Variants in GNL3L observed in about 807,000 individuals in gnomAD.
GNL3L encodes guanine nucleotide-binding protein-like 3-like protein.
In GNL3L, 4 loss-of-function variants were observed where a neutral mutation model predicts 42.9. The observed-to-expected ratio is 0.09, with a 90% CI of 0.05 to 0.21. The LOEUF (loss-of-function observed/expected upper bound fraction) is 0.21. GNL3L is among the 10% of genes least tolerant of loss of function. The pLI, the probability that GNL3L is intolerant of heterozygous loss-of-function variation, is 1.00. For synonymous variants in GNL3L, 159 were observed against 176.3 expected, an observed-to-expected ratio of 0.90 and a Z score of 0.78; for missense variants, 412 against 481.7, an observed-to-expected ratio of 0.86 and a Z score of 1.36.
chrX:54,624,671 C>T (rs1461410941), downstream of GNL3L, among the ~76,000 whole-genome samples: 1 of 108,884 alleles, frequency 9.2e-6, no homozygotes, highest in Non-Finnish European at 1.9e-5. Context: ...AAACTCCTGA[C>T]CTCAGGTGAT....
intron 9 of GNL3L, among the ~76,000 whole-genome samples, chrX:54,549,333 C>T (rs1440339989): frequency 9.0e-6 from 1 of 111,311 alleles, no homozygotes; most frequent in Non-Finnish European, 1.9e-5. Flanking sequence ...GAACCACAGT[C>T]AAAATGCATG....
chrX:54,587,246 G>A (rs770749054), intron 16 of GNL3L, among the ~76,000 whole-genome samples: 11 of 112,256 alleles, frequency 9.8e-5, no homozygotes, highest in African/African-American at 3.6e-4. Context: ...GAAACGTTCT[G>A]TAAATGTTTG....
chrX:54,563,975 A>G lies in GNL3L; in HGVS notation c.*3373A>G, dbSNP rs1355717960. ...GTTTTAGTTATGTGAGTTTGTACAA[A>G]CATATACAGGAGTGAACCACTACCA... On this transcript the variant is annotated 3_prime_UTR_variant, in exon 16 of 16. Transcript: ENST00000360845. 1.8e-5 allele frequency among the ~76,000 whole-genome samples: 2 copies of G among 111,240 alleles called. No homozygotes were observed. The highest frequency in any genetic ancestry group is 6.5e-5 in the African/African-American group (2 of 30,560).
In GNL3L at chrX:54,548,419, C is replaced by T. The variant is rs144064493; in HGVS notation, c.775+46C>T. ...ATGGGGCTCAGGCTTCTTTCTTGAG[C>T]GGACACTTCGCTGGGGGAAAGGATC... is the stretch of plus-strand genomic sequence containing the variant. On this transcript the variant is annotated intron_variant, in intron 9 of 15. Coordinates refer to ENST00000360845, the MANE Select transcript of GNL3L (RefSeq NM_001184819.2). 3.5e-3 allele frequency: 3,691 copies of T among 1,051,645 alleles called. 21 individuals are homozygous for T. Among genetic ancestry groups the T allele is most frequent in the Middle Eastern group, 0.028 (112 of 3,955 alleles). 86.7% of individuals were successfully genotyped at this position (1,051,645 alleles called of 1,213,427 possible).
At chrX:54,591,517 C>T (rs190303275) in intron 16 of GNL3L, among the ~76,000 whole-genome samples, 4 of 106,995 alleles carry the variant, frequency 3.7e-5, no homozygotes, top group East Asian at 3.0e-4. Flanking sequence ...CGCTTGGACC[C>T]GGGAGGTGGA....
At chrX:54,636,584 A>G in the GNL3L span, among the ~76,000 whole-genome samples, 2 of 109,404 alleles carry the variant, frequency 1.8e-5, no homozygotes, top group African/African-American at 6.7e-5. Context: ...GTCCATGTGT[A>G]CTCAATGTTT....
At chrX:54,632,442 T>A in the GNL3L span, among the ~76,000 whole-genome samples, 1 of 111,394 alleles carries the variant, frequency 9.0e-6, no homozygotes, top group Non-Finnish European at 1.9e-5. Flanking sequence ...AATTTCAAAC[T>A]TTTTGGAGGC....
intron 16 of GNL3L, among the ~76,000 whole-genome samples, chrX:54,619,217 A>G (rs1926257917): frequency 9.0e-6 from 1 of 111,379 alleles, no homozygotes; most frequent in Non-Finnish European, 1.9e-5. Flanking sequence ...AGGAATTGGA[A>G]ATAATCGAAA....
In GNL3L at chrX:54,543,684, T is replaced by C. The variant is rs775919045; in HGVS notation, c.526+342T>C. 1.6e-3 allele frequency among the ~76,000 whole-genome samples: 174 copies of C among 111,388 alleles called. 1 individual carries two copies. The highest frequency in any genetic ancestry group is 5.5e-3 in the African/African-American group (168 of 30,671). The stretch of plus-strand genomic sequence containing the variant: ...TGTCTAGGGTTCAGCCTCCCACCTG[T>C]CCTGATTCTTTTCTCTGAGACACTG... On this transcript the variant is annotated intron_variant, in intron 7 of 15. Transcript: ENST00000360845.
At chrX:54,539,485 G>T (rs1434141381) in intron 3 of GNL3L, among the ~76,000 whole-genome samples, 1 of 110,975 alleles carries the variant, frequency 9.0e-6, no homozygotes. Flanking sequence ...TCCTGGTCCT[G>T]CTGGGAAAGG....
chrX:54,594,337 C>T (rs1396000799), intron 16 of GNL3L, among the ~76,000 whole-genome samples: 14 of 111,398 alleles, frequency 1.3e-4, no homozygotes, highest in Admixed American at 8.6e-4. Context: ...GCTGAATTGA[C>T]ACCTTTATCA....
rs190762199 is a variant in GNL3L at position 54,615,437 on chromosome X, G to A, written c.*46-5408G>A. Among the ~76,000 whole-genome samples the A allele has an allele frequency of 8.0e-5, 9 of 111,911 alleles. 1 individual carries two copies. In the Admixed American group the frequency reaches 8.5e-4, roughly 11 times the overall value. On this transcript the variant is annotated intron_variant, in intron 16 of 16. Coordinates refer to the GNL3L transcript ENST00000674498. ...ATTTCTTTTGGGTAAATACCTAGGA[G>A]TGGAATTGCTGGGTCATATGGCAAC...
Position 54,590,904 on chromosome X carries a change from C to T in GNL3L, c.*46-29941C>T, listed in dbSNP as rs761053336. 5.4e-5 allele frequency among the ~76,000 whole-genome samples: 6 copies of T among 110,666 alleles called. No individual in the cohort carries two copies. The East Asian group carries it at 1.4e-3, about 26-fold the overall frequency. ...GGAGTGCAGTGGCACGATTTCGGCT[C>T]GCTGCAACCTCTGCCTTCTGGGTTC... On this transcript the variant is annotated intron_variant, in intron 16 of 16. Coordinates refer to the GNL3L transcript ENST00000674498.
the GNL3L span, among the ~76,000 whole-genome samples, chrX:54,634,413 T>C: frequency 8.9e-6 from 1 of 112,207 alleles, no homozygotes; most frequent in Non-Finnish European, 1.9e-5. Context: ...ATGATTGTCT[T>C]GCCTCAGCCT....
At chrX:54,559,478 C>A (rs954585516) in intron 15 of GNL3L, among the ~76,000 whole-genome samples, 3 of 111,757 alleles carry the variant, frequency 2.7e-5, no homozygotes, top group Non-Finnish European at 5.6e-5. Flanking sequence ...ATTCTTTGTT[C>A]TCTTTTTCCA....
intron 15 of GNL3L, among the ~76,000 whole-genome samples, chrX:54,559,532 T>C (rs186545691): frequency 3.6e-4 from 40 of 112,018 alleles, no homozygotes; most frequent in African/African-American, 1.3e-3. Flanking sequence ...CCCTATCATT[T>C]TTCCACTCAC....
rs186411053 is a variant in GNL3L at position 54,620,217 on chromosome X, T to C, written c.*46-628T>C. On this transcript the variant is annotated intron_variant, in intron 16 of 16. Transcript: ENST00000674498. ...TGGTGTGCTATCAAATTCTAGATCT[T>C]ATTCATTCTTTCTATTTTTATTTTG... Among the ~76,000 whole-genome samples, 345 of 111,229 alleles carry C rather than the reference T, an allele frequency of 3.1e-3. 4 individuals are homozygous for C. Among genetic ancestry groups the C allele is most frequent in the African/African-American group, 0.011 (334 of 30,619 alleles).
At chrX:54,554,880 C>G in intron 14 of GNL3L, among the ~76,000 whole-genome samples, 188 bp downstream of exon 14, 1 of 111,298 alleles carries the variant, frequency 9.0e-6, no homozygotes, top group Non-Finnish European at 1.9e-5. Flanking sequence ...GGCATGCTCT[C>G]TAAGGCAGCT....
exon 17 of GNL3L, among the ~76,000 whole-genome samples, chrX:54,620,926 A>G (rs1438226986): frequency 8.9e-6 from 1 of 112,179 alleles, no homozygotes; most frequent in Non-Finnish European, 1.9e-5. Flanking sequence ...CATAAAGTGG[A>G]CCTTCCTTTT....
Sources: allele counts gnomAD v4.1 joint callset (sites outside exome capture counted in the v4.1 genomes callset), GRCh38; gene constraint gnomAD v4.1.1; transcripts MANE v1.5; gene names NCBI Gene and HGNC (gene_info 2026-07-23, HGNC 2026-07-21).